MGAT4C: variants seen among roughly 807,000 people sequenced by gnomAD.
The protein encoded by MGAT4C is alpha-1,3-mannosyl-glycoprotein 4-beta-N-acetylglucosaminyltransferase C.
Under a neutral mutation model 40.1 loss-of-function variants are expected in MGAT4C, and 19 were observed. The observed-to-expected ratio is 0.47, with a 90% CI of 0.33 to 0.70. MGAT4C has a LOEUF of 0.70. Ranked by LOEUF, MGAT4C falls within the 30% of genes least tolerant of loss-of-function variation. MGAT4C has a pLI of 0.02. For missense variants in MGAT4C, 491 were observed against 563.2 expected (o/e 0.87, Z 1.30); for synonymous variants, 181 against 187.1 (o/e 0.97, Z 0.27).
intron 2 of MGAT4C, among the ~76,000 whole-genome samples, chr12:86,525,024 A>G (rs1398218517): frequency 6.6e-6 from 1 of 152,108 alleles, no homozygotes; most frequent in East Asian, 1.9e-4. Flanking sequence ...TTACATCTTA[A>G]TGATATTCGA....
intron 1 of MGAT4C, among the ~76,000 whole-genome samples, chr12:86,169,139 G>A (rs1415879855): frequency 6.6e-6 from 1 of 152,116 alleles, no homozygotes; most frequent in Non-Finnish European, 1.5e-5. Flanking sequence ...TGTTAGCAGA[G>A]AGAATGCATC....
chr12:86,399,534 A>G lies in MGAT4C; in HGVS notation c.-120+35623T>C, dbSNP rs184311902. Among the ~76,000 whole-genome samples, 930 of 148,006 alleles carry G rather than the reference A, an allele frequency of 6.3e-3. 8 individuals are homozygous for G. The highest frequency in any genetic ancestry group is 0.022 in the African/African-American group (884 of 40,092). ...CTGACCTCGTGATCTGCCTGCCTCG[A>G]CCTCCCAAAGTGCTGGGATTACAGG... On this transcript the variant is annotated intron_variant, in intron 3 of 7. Coordinates refer to the MGAT4C transcript ENST00000548651.
intron 1 of MGAT4C, among the ~76,000 whole-genome samples, chr12:86,133,186 A>G (rs896792644): frequency 2.0e-5 from 3 of 152,236 alleles, no homozygotes; most frequent in Non-Finnish European, 4.4e-5. Flanking sequence ...AGCAGATAAA[A>G]TGTACTTAGA....
chr12:86,493,257 G>C (rs911977776), intron 2 of MGAT4C, among the ~76,000 whole-genome samples: 4 of 151,484 alleles, frequency 2.6e-5, no homozygotes, highest in Admixed American at 1.3e-4. Context: ...CAGGGATCTA[G>C]AACTAGAAAT....
chr12:86,257,356 A>G (rs939666781), upstream of MGAT4C, among the ~76,000 whole-genome samples: 3 of 152,220 alleles, frequency 2.0e-5, no homozygotes, highest in Non-Finnish European at 2.9e-5. Context: ...GGAGCTGTCA[A>G]CCGCATAACT....
At chr12:86,818,961 C>A (rs10858496) in intron 1 of MGAT4C, among the ~76,000 whole-genome samples, 1 of 150,664 alleles carries the variant, frequency 6.6e-6, no homozygotes, top group Admixed American at 6.6e-5. Context: ...TATATACCCA[C>A]TAGAAGGGTG....
At chr12:86,029,232 C>A (rs1890518336) in intron 2 of MGAT4C, among the ~76,000 whole-genome samples, 1 of 151,580 alleles carries the variant, frequency 6.6e-6, no homozygotes, top group African/African-American at 2.4e-5. Flanking sequence ...AATATCAGAT[C>A]AAAAAAGACA....
At chr12:86,034,566 G>T (rs565726370) in intron 2 of MGAT4C, among the ~76,000 whole-genome samples, 4 of 126,418 alleles carry the variant, frequency 3.2e-5, no homozygotes, top group South Asian at 2.4e-4. Flanking sequence ...AGGGTTTTTT[G>T]TTGTTGTTTT....
chr12:86,584,882 C>A (rs1743060208), intron 2 of MGAT4C, among the ~76,000 whole-genome samples: 1 of 130,762 alleles, frequency 7.6e-6, no homozygotes, highest in South Asian at 2.8e-4. Context: ...TAGTCATTTG[C>A]ATTTTCTCTT....
intron 1 of MGAT4C, among the ~76,000 whole-genome samples, chr12:86,123,299 G>A (rs1467921245): frequency 6.6e-6 from 1 of 152,118 alleles, no homozygotes; most frequent in Non-Finnish European, 1.5e-5. Flanking sequence ...TGCTGGGAGT[G>A]ATTTGAAACA....
chr12:86,049,755 C>G, intron 1 of MGAT4C, 32 bp from the exon 2 acceptor site: 1 of 834,008 alleles, frequency 1.2e-6, no homozygotes, highest in Non-Finnish European at 1.4e-6. Context: ...ATTACTAATA[C>G]AACCCACTGG....
At chr12:86,505,517 C>G (rs1204287881) in intron 2 of MGAT4C, among the ~76,000 whole-genome samples, 1 of 152,196 alleles carries the variant, frequency 6.6e-6, no homozygotes, top group Admixed American at 6.5e-5. Flanking sequence ...AAGTTCAGCA[C>G]TTCCCTCTTC....
At chr12:86,098,946 T>C (rs536681430) in intron 1 of MGAT4C, among the ~76,000 whole-genome samples, 2 of 151,524 alleles carry the variant, frequency 1.3e-5, no homozygotes, top group African/African-American at 4.8e-5. Context: ...TTCCATTCAA[T>C]TACAGATAAC....
chr12:86,708,467 A>C (rs911987052), intron 2 of MGAT4C, among the ~76,000 whole-genome samples: 2 of 152,234 alleles, frequency 1.3e-5, no homozygotes, highest in Non-Finnish European at 2.9e-5. Context: ...TGGAGCTCCC[A>C]CACAGAATCC....
At chr12:86,330,408 T>A (rs1017554055) in intron 4 of MGAT4C, among the ~76,000 whole-genome samples, 1 of 152,202 alleles carries the variant, frequency 6.6e-6, no homozygotes, top group African/African-American at 2.4e-5. Flanking sequence ...TTTGAATAAA[T>A]AAATTTGTTA....
chr12:86,566,580 A>AT (rs1314750796), intron 2 of MGAT4C, among the ~76,000 whole-genome samples: 4 of 132,710 alleles, frequency 3.0e-5, no homozygotes, highest in Non-Finnish European at 6.4e-5. Context: ...ATATATGTAT[A>AT]TGTATATATA....
chr12:86,634,676 T>C (rs1963161678), intron 2 of MGAT4C, among the ~76,000 whole-genome samples: 1 of 152,074 alleles, frequency 6.6e-6, no homozygotes. Flanking sequence ...CATCCTATAA[T>C]TCCCTGCCAT....
Position 86,110,806 on chromosome 12 carries a change from A to G in MGAT4C, c.-56-61083T>C, listed in dbSNP as rs1278539211. On this transcript the variant is annotated intron_variant, in intron 1 of 4. Coordinates refer to ENST00000611864, the MANE Select transcript of MGAT4C (RefSeq NM_001351288.2). ...ATTACAGTTACATTACTATGGTACT[A>G]TTGTACAGTTGTACATACTAATATT... Among the ~76,000 whole-genome samples, 10 of 151,806 alleles carry G rather than the reference A, an allele frequency of 6.6e-5. 1 individual carries two copies. The South Asian group carries it at 1.9e-3, about 28-fold the overall frequency.
At chr12:86,399,411 A>T (rs1956316884) in intron 3 of MGAT4C, among the ~76,000 whole-genome samples, 1 of 151,618 alleles carries the variant, frequency 6.6e-6, no homozygotes, top group African/African-American at 2.4e-5. Context: ...CCTCCCGAGT[A>T]GCTGGGACTA....
Sources: gnomAD v4.1 joint callset for allele counts (sites outside exome capture counted in the v4.1 genomes callset) on GRCh38, gnomAD v4.1.1 for gene constraint, MANE v1.5 for transcripts, NCBI Gene and HGNC (gene_info 2026-07-23, HGNC 2026-07-21) for gene names.